The following UGT2A2 variants were observed in gnomAD, a reference collection of about 807,000 sequenced individuals.
UGT2A2 encodes the protein UDP-glucuronosyltransferase 2A2.
A neutral mutation model predicts 50.7 loss-of-function variants in UGT2A2; 60 were observed. The observed-to-expected ratio is 1.18, with a 90% CI of 0.96 to 1.47. The LOEUF is 1.47. Ranked by LOEUF, UGT2A2 falls within the 40% of genes most tolerant of loss-of-function variation. UGT2A2 has a pLI of 0.00. For synonymous variants in UGT2A2, 242 were observed against 214.6 expected, an observed-to-expected ratio of 1.13 and a Z score of -1.11; for missense variants, 762 against 634.0, an observed-to-expected ratio of 1.20 and a Z score of -2.17.
intron 1 of UGT2A2, among the ~76,000 whole-genome samples, chr4:69,634,042 G>A (rs959175225): frequency 1.3e-5 from 2 of 151,986 alleles, no homozygotes; most frequent in Admixed American, 6.6e-5. Context: ...TCAGGAGATC[G>A]AGACCATCCT....
At chr4:69,593,129 A>G (rs930884041) in intron 5 of UGT2A2, among the ~76,000 whole-genome samples, 2 of 152,132 alleles carry the variant, frequency 1.3e-5, no homozygotes, top group Non-Finnish European at 2.9e-5. Context: ...TTCTCATAAC[A>G]AAGCAGTGAG....
At chr4:69,623,557 A>G (rs930321883) in intron 1 of UGT2A2, among the ~76,000 whole-genome samples, 1 of 151,260 alleles carries the variant, frequency 6.6e-6, no homozygotes, top group African/African-American at 2.4e-5. Flanking sequence ...ATAAAATAAT[A>G]TTTTACATTA....
intron 1 of UGT2A2, among the ~76,000 whole-genome samples, chr4:69,607,988 C>A (rs1305459987): frequency 1.3e-5 from 2 of 152,152 alleles, no homozygotes; most frequent in Non-Finnish European, 2.9e-5. Context: ...TAAACTAGTT[C>A]AATCATTGTG....
chr4:69,600,527 T>C (rs113705233), intron 1 of UGT2A2, among the ~76,000 whole-genome samples: 1,923 of 152,276 alleles, frequency 0.013, 41 homozygotes, highest in African/African-American at 0.042. Context: ...ATCCCTACTT[T>C]AGAGGAGCAT....
At chr4:69,627,386 G>A (rs957645674) in intron 1 of UGT2A2, among the ~76,000 whole-genome samples, 1 of 151,610 alleles carries the variant, frequency 6.6e-6, no homozygotes, top group South Asian at 2.1e-4. Context: ...CTACATAATA[G>A]ATTCATATGA....
intron 1 of UGT2A2, among the ~76,000 whole-genome samples, chr4:69,629,014 A>G (rs895217977): frequency 6.6e-6 from 1 of 151,856 alleles, no homozygotes; most frequent in Non-Finnish European, 1.5e-5. Context: ...CAGGTGATAC[A>G]TGGTTATACT....
chr4:69,617,771 C>G (rs116632529), intron 1 of UGT2A2, among the ~76,000 whole-genome samples: 1,995 of 151,772 alleles, frequency 0.013, 41 homozygotes, highest in African/African-American at 0.046. Context: ...CACTTACTAT[C>G]TAGGATTTTC....
At chr4:69,627,534 A>AAGAGAGAGAGAGAGAAAG (rs150318319) in intron 1 of UGT2A2, among the ~76,000 whole-genome samples, 4 of 139,470 alleles carry the variant, frequency 2.9e-5, no homozygotes, top group African/African-American at 1.0e-4. Flanking sequence ...GAAAGAAAGA[A>AAGAGAGAGAGAGAGAAAG]AGAGAGAGAG....
chr4:69,619,138 C>T (rs1353537045), intron 1 of UGT2A2, among the ~76,000 whole-genome samples: 4 of 151,866 alleles, frequency 2.6e-5, no homozygotes, highest in Admixed American at 2.6e-4. Context: ...TGCTTCATGC[C>T]TACAATCCCA....
At chr4:69,638,428 TAGAG>T (rs1305166799) in intron 1 of UGT2A2, among the ~76,000 whole-genome samples, 2 of 152,104 alleles carry the variant, frequency 1.3e-5, no homozygotes, top group Non-Finnish European at 2.9e-5. Flanking sequence ...TGTGTAAAGA[TAGAG>T]AGACAGTGAG....
chr4:69,594,839 G>A, intron 4 of UGT2A2, 143 bp from the exon 5 acceptor site: 2 of 1,088,552 alleles, frequency 1.8e-6, no homozygotes, highest in Non-Finnish European at 2.6e-6. Context: ...TAGGGCATTG[G>A]AATGTCAGAA....
chr4:69,592,185 C>T (rs1004164990), intron 5 of UGT2A2, among the ~76,000 whole-genome samples: 2 of 152,012 alleles, frequency 1.3e-5, no homozygotes, highest in Non-Finnish European at 2.9e-5. Flanking sequence ...AAATTCCATC[C>T]GAGTTTACCT....
intron 1 of UGT2A2, among the ~76,000 whole-genome samples, chr4:69,628,108 C>T (rs10006049): frequency 0.35 from 53,220 of 151,530 alleles, 9,699 homozygotes; most frequent in African/African-American, 0.43. Context: ...TTTCCCTATG[C>T]TTTCTTCCAG....
At chr4:69,625,204 C>T (rs1379257966) in intron 1 of UGT2A2, among the ~76,000 whole-genome samples, 1 of 148,618 alleles carries the variant, frequency 6.7e-6, no homozygotes, top group African/African-American at 2.5e-5. Context: ...TTTTAATTTT[C>T]CTTCCATTTT....
At chr4:69,629,865 TCA>T (rs1208675966) in intron 1 of UGT2A2, among the ~76,000 whole-genome samples, 2 of 152,086 alleles carry the variant, frequency 1.3e-5, no homozygotes, top group Non-Finnish European at 2.9e-5. Context: ...TCATCGAGTC[TCA>T]GAGTAGATCC....
At chr4:69,598,834 C>A (rs1164572640) in intron 2 of UGT2A2, among the ~76,000 whole-genome samples, 1 of 152,054 alleles carries the variant, frequency 6.6e-6, no homozygotes, top group Non-Finnish European at 1.5e-5. Flanking sequence ...CTCTTACTCA[C>A]CAAGTTAAAT....
chr4:69,599,607 G>T, intron 1 of UGT2A2: 1 of 562,602 alleles, frequency 1.8e-6, no homozygotes, highest in Non-Finnish European at 2.7e-6. Context: ...AAGGAAGGGA[G>T]GAAGGGAGGA....
chr4:69,638,428 T>C (rs1047585763), intron 1 of UGT2A2, among the ~76,000 whole-genome samples: 2 of 152,104 alleles, frequency 1.3e-5, no homozygotes, highest in Non-Finnish European at 2.9e-5. Flanking sequence ...TGTGTAAAGA[T>C]AGAGAGACAG....
intron 1 of UGT2A2, among the ~76,000 whole-genome samples, chr4:69,621,660 G>A (rs773124801): frequency 3.3e-5 from 5 of 151,670 alleles, no homozygotes; most frequent in African/African-American, 7.3e-5. Context: ...GGTATACACC[G>A]AAAGGAATAT....
Sources: gnomAD v4.1 joint callset for allele counts (sites outside exome capture counted in the v4.1 genomes callset) on GRCh38, gnomAD v4.1.1 for gene constraint, MANE v1.5 for transcripts, NCBI Gene and HGNC (gene_info 2026-07-23, HGNC 2026-07-21) for gene names.